RIMS1: variants seen among roughly 807,000 people sequenced by gnomAD.
RIMS1 encodes regulating synaptic membrane exocytosis protein 1.
A neutral mutation model predicts 214.1 loss-of-function variants in RIMS1; 83 were observed. The ratio of observed to expected loss-of-function variants is 0.39; its 90% CI spans 0.32 to 0.47. The LOEUF (loss-of-function observed/expected upper bound fraction) is 0.47. Ranked by LOEUF, RIMS1 falls within the 20% of genes least tolerant of loss-of-function variation. RIMS1 has a pLI of 0.99. For missense variants in RIMS1, 2,050 were observed against 2,161.8 expected, an observed-to-expected ratio of 0.95 and a Z score of 1.03; for synonymous variants, 793 against 786.8, an observed-to-expected ratio of 1.01 and a Z score of -0.13.
At chr6:72,298,506 A>C (rs1414783909) in intron 26 of RIMS1, among the ~76,000 whole-genome samples, 1 of 152,038 alleles carries the variant, frequency 6.6e-6, no homozygotes, top group Non-Finnish European at 1.5e-5. Flanking sequence ...CAACATTCAG[A>C]CAGCATTTAC....
intron 6 of RIMS1, among the ~76,000 whole-genome samples, chr6:72,222,516 A>G (rs1231672301): frequency 6.6e-6 from 1 of 152,148 alleles, no homozygotes; most frequent in African/African-American, 2.4e-5. Context: ...AATATTTAAT[A>G]AACAGTTGCT....
At chr6:72,322,114 C>T (rs980044062) in intron 28 of RIMS1, among the ~76,000 whole-genome samples, 2 of 152,104 alleles carry the variant, frequency 1.3e-5, no homozygotes, top group Admixed American at 6.6e-5. Flanking sequence ...ACTTGTTCAG[C>T]TATTGAACAG....
chr6:72,191,524 G>A (rs1386652549), intron 6 of RIMS1, among the ~76,000 whole-genome samples: 1 of 152,174 alleles, frequency 6.6e-6, no homozygotes, highest in African/African-American at 2.4e-5. Flanking sequence ...CTTGTAGAAG[G>A]GAAAAGCAAT....
chr6:72,090,133 C>T (rs2153791832), intron 2 of RIMS1, among the ~76,000 whole-genome samples: 1 of 152,084 alleles, frequency 6.6e-6, no homozygotes, highest in East Asian at 1.9e-4. Context: ...AACTAACCTG[C>T]ACATTGTGCA....
chr6:72,081,503 C>G (rs1038950711), intron 2 of RIMS1, among the ~76,000 whole-genome samples: 2 of 152,088 alleles, frequency 1.3e-5, no homozygotes, highest in Non-Finnish European at 2.9e-5. Context: ...AATGACTGCT[C>G]CTAGCTTTGT....
intron 6 of RIMS1, among the ~76,000 whole-genome samples, chr6:72,191,037 T>A (rs1481017402): frequency 6.6e-6 from 1 of 152,210 alleles, no homozygotes; most frequent in East Asian, 1.9e-4. Flanking sequence ...CATCTCTATC[T>A]GCCACTGACA....
At chr6:71,917,125 A>ACTTACTT (rs1481217119) in intron 1 of RIMS1, among the ~76,000 whole-genome samples, 18 of 152,176 alleles carry the variant, frequency 1.2e-4, no homozygotes, top group African/African-American at 4.1e-4. Context: ...TAATAAAATT[A>ACTTACTT]CTTACTTCGT....
intron 4 of RIMS1, among the ~76,000 whole-genome samples, chr6:72,175,147 A>T (rs1322842919): frequency 9.2e-5 from 14 of 152,220 alleles, no homozygotes; most frequent in Admixed American, 9.2e-4. Flanking sequence ...AAAATGAGCA[A>T]CTGTAATTGA....
Position 72,195,749 on chromosome 6 carries a change from A to G in RIMS1, c.1678+12600A>G, listed in dbSNP as rs142425532. On this transcript the variant is annotated intron_variant, in intron 6 of 33. Transcript: ENST00000521978. ...TGCTTATAATTTTGACTAGAAGTGT[A>G]TTAGTCCATTCTCTTACTGCTATAA... is the stretch of plus-strand genomic sequence containing the variant. Among the ~76,000 whole-genome samples the G allele has an allele frequency of 3.9e-5, 6 of 152,250 alleles. No homozygotes were observed. The East Asian group carries it at 9.6e-4, about 24-fold the overall frequency.
chr6:72,134,802 A>G lies in RIMS1; in HGVS notation c.471+34816A>G, dbSNP rs533094730. ...TAAGTTCTAAAAAAGAAATAAAAAT[A>G]CATTCTCCCTCATCTCAAGGACAAC... is the stretch of plus-strand genomic sequence containing the variant. On this transcript the variant is annotated intron_variant, in intron 4 of 33. Transcript: ENST00000521978. Among the ~76,000 whole-genome samples the G allele has an allele frequency of 7.2e-5, 11 of 152,302 alleles. No individual in the cohort carries two copies. In the East Asian group the frequency reaches 2.1e-3, roughly 29 times the overall value.
intron 2 of RIMS1, among the ~76,000 whole-genome samples, chr6:72,055,132 A>G (rs1301975143): frequency 2.6e-5 from 4 of 152,046 alleles, no homozygotes; most frequent in Admixed American, 2.6e-4. Flanking sequence ...TATTTTCATC[A>G]TGAAATAATA....
chr6:72,095,881 G>T (rs2031460196), intron 2 of RIMS1, among the ~76,000 whole-genome samples: 1 of 152,216 alleles, frequency 6.6e-6, no homozygotes, highest in South Asian at 2.1e-4. Flanking sequence ...ATACCCAGAT[G>T]AATTTGAGCA....
intron 28 of RIMS1, among the ~76,000 whole-genome samples, chr6:72,314,833 CT>C (rs199927540): frequency 1.1e-4 from 17 of 151,068 alleles, no homozygotes; most frequent in East Asian, 7.8e-4. Context: ...TAACCAAGGA[CT>C]TTTTTTTTAC....
At chr6:72,170,500 C>T (rs531069397) in intron 4 of RIMS1, among the ~76,000 whole-genome samples, 4 of 152,134 alleles carry the variant, frequency 2.6e-5, no homozygotes, top group East Asian at 1.9e-4. Flanking sequence ...CCCACCACCA[C>T]GCCTGGCTAA....
intron 4 of RIMS1, among the ~76,000 whole-genome samples, chr6:72,105,891 C>G (rs1017489775): frequency 3.3e-5 from 5 of 152,102 alleles, no homozygotes; most frequent in Admixed American, 1.3e-4. Context: ...TAGACTATGA[C>G]TATTCCTCAT....
chr6:72,174,823 C>A (rs550582168), intron 4 of RIMS1, among the ~76,000 whole-genome samples: 14 of 152,162 alleles, frequency 9.2e-5, no homozygotes, highest in African/African-American at 3.1e-4. Context: ...AAGTGATTTA[C>A]CCATTAAAAA....
At chr6:72,004,641 T>C (rs1207256982) in intron 2 of RIMS1, among the ~76,000 whole-genome samples, 2 of 151,492 alleles carry the variant, frequency 1.3e-5, no homozygotes, top group Non-Finnish European at 3.0e-5. Context: ...CATTTTTTCA[T>C]GTGTCTTTTG....
intron 28 of RIMS1, among the ~76,000 whole-genome samples, chr6:72,318,457 C>T (rs2095946201): frequency 2.0e-5 from 3 of 152,114 alleles, no homozygotes; most frequent in Non-Finnish European, 4.4e-5. Context: ...AAAAAAATGA[C>T]TGTCATATGC....
intron 2 of RIMS1, among the ~76,000 whole-genome samples, chr6:72,055,457 A>G (rs1363360922): frequency 6.6e-6 from 1 of 152,178 alleles, no homozygotes; most frequent in East Asian, 1.9e-4. Context: ...CTGTAAACAG[A>G]TATAGTTTGA....
Sources: gnomAD v4.1 joint callset for allele counts (sites outside exome capture counted in the v4.1 genomes callset) on GRCh38, gnomAD v4.1.1 for gene constraint, MANE v1.5 for transcripts, NCBI Gene and HGNC (gene_info 2026-07-23, HGNC 2026-07-21) for gene names.